Variants in SNAPC3 observed in about 807,000 individuals in gnomAD.
The protein encoded by SNAPC3 is small nuclear RNA activating complex polypeptide 3, also known as snRNA-activating protein complex subunit 3.
In SNAPC3, 56 loss-of-function variants were observed where a neutral mutation model predicts 47.7. The ratio of observed to expected loss-of-function variants is 1.18; its 90% confidence interval spans 0.95 to 1.47. SNAPC3 has a LOEUF of 1.47. SNAPC3 is among the 40% of genes most tolerant of loss of function. The pLI, the probability that SNAPC3 is intolerant of heterozygous loss-of-function variation, is 0.00. For missense variants in SNAPC3, 665 were observed against 511.3 expected (o/e 1.30, Z -2.90); for synonymous variants, 235 against 189.9 (o/e 1.24, Z -1.95).
chr9:15,423,132 G>A lies in SNAPC3; in HGVS notation c.253G>A (p.Ala85Thr). The A allele has an allele frequency of 1.3e-6, 2 of 1,558,284 alleles. No individual in the cohort carries two copies. Among genetic ancestry groups the A allele is most frequent in the Admixed American group, 2.2e-5 (1 of 45,826 alleles). ...QAADSDREDA[A>T]VARDLDCSLE... is the part of the protein sequence containing the mutation. Reference sequence around the variant, plus strand: ...AGCTGACTCCGACCGGGAGGATGCCGCGGTGGCCAGGGATCTGGACTGCAG... The same window carrying A: ...AGCTGACTCCGACCGGGAGGATGCCACGGTGGCCAGGGATCTGGACTGCAG... The change falls in exon 1 of 9, where the codon GCG becomes ACG. Residue 85 changes from alanine (A) to threonine (T), a missense_variant. By Grantham distance (58) the Ala-to-Thr change is moderately conservative. Transcript: ENST00000380821.
chr9:15,438,725 A>C (rs2033052635), intron 3 of SNAPC3, among the ~76,000 whole-genome samples: 1 of 152,136 alleles, frequency 6.6e-6, no homozygotes, highest in South Asian at 2.1e-4. Context: ...AATGATCAGA[A>C]GAGTTACGTT....
In SNAPC3 at chr9:15,423,134, G is replaced by T; in HGVS notation, c.255G>T (p.Ala85=). Residue 85 remains alanine (A), a synonymous_variant, in exon 1 of 9, where the codon GCG becomes GCT. Transcript: ENST00000380821. ...CTGACTCCGACCGGGAGGATGCCGC[G>T]GTGGCCAGGGATCTGGACTGCAGCC... ...QAADSDREDA[A]VARDLDCSLE... The T allele has an allele frequency of 2.6e-6, 4 of 1,558,680 alleles. No homozygotes were observed. In the South Asian group the frequency reaches 3.6e-5, roughly 14 times the overall value.
chr9:15,450,404 G>C (rs1381901694), intron 5 of SNAPC3, among the ~76,000 whole-genome samples: 1 of 152,160 alleles, frequency 6.6e-6, no homozygotes, highest in African/African-American at 2.4e-5. Flanking sequence ...AATTATTTTA[G>C]TACCTGAAAC....
At chr9:15,433,442 C>G in intron 2 of SNAPC3, 110 bp from the exon 3 acceptor site, 1 of 726,622 alleles carries the variant, frequency 1.4e-6, no homozygotes, top group Non-Finnish European at 2.4e-6. Flanking sequence ...CCTGCTTTTG[C>G]TACTTAAAAT....
intron 3 of SNAPC3, among the ~76,000 whole-genome samples, chr9:15,436,820 GTT>G (rs34768913): frequency 0.01 from 886 of 84,676 alleles, 6 homozygotes; most frequent in African/African-American, 0.033. Flanking sequence ...TCTTACAGCA[GTT>G]TTTTTTTTTT....
intron 2 of SNAPC3, among the ~76,000 whole-genome samples, chr9:15,429,911 G>A (rs546359985): frequency 6.6e-6 from 1 of 152,146 alleles, no homozygotes; most frequent in African/African-American, 2.4e-5. Context: ...AGTATACCAA[G>A]TAAATGGAAA....
chr9:15,446,120 A>G (rs540545155), intron 4 of SNAPC3, among the ~76,000 whole-genome samples: 3 of 152,344 alleles, frequency 2.0e-5, no homozygotes, highest in South Asian at 4.1e-4. Flanking sequence ...GTGGATCTTA[A>G]TGCTCATGTC....
In SNAPC3 at chr9:15,453,215, A is replaced by T; in HGVS notation, c.980+10A>T. On this transcript the variant is annotated intron_variant, in intron 7 of 8. Coordinates refer to ENST00000380821, the MANE Select transcript of SNAPC3 (RefSeq NM_001039697.2). ...TCATTACTGACATAAGGTAGGTGAC[A>T]GCACTTAAGACATTTTGTTACCTTT... 1 of 1,589,094 alleles carries T rather than the reference A, an allele frequency of 6.3e-7. No homozygotes were observed. The highest frequency in any genetic ancestry group is 8.6e-7 in the Non-Finnish European group (1 of 1,166,774).
intron 3 of SNAPC3, among the ~76,000 whole-genome samples, chr9:15,440,716 G>A (rs1165997131): frequency 4.6e-5 from 7 of 152,106 alleles, no homozygotes; most frequent in South Asian, 4.1e-4. Context: ...TTGGGAGGCC[G>A]AGGCGGGCGG....
At chr9:15,449,495 C>T (rs1263383459) in intron 5 of SNAPC3, among the ~76,000 whole-genome samples, 1 of 137,866 alleles carries the variant, frequency 7.3e-6, no homozygotes, top group Non-Finnish European at 1.5e-5. Flanking sequence ...AAAATGTTTA[C>T]ATATCTCCTG....
intron 2 of SNAPC3, among the ~76,000 whole-genome samples, chr9:15,428,035 C>G (rs906822539): frequency 7.0e-6 from 1 of 142,958 alleles, no homozygotes; most frequent in Non-Finnish European, 1.5e-5. Flanking sequence ...CACTTGAACC[C>G]GGGAGGTGGA....
chr9:15,441,889 G>A (rs1006278631), intron 3 of SNAPC3, among the ~76,000 whole-genome samples: 4 of 152,166 alleles, frequency 2.6e-5, no homozygotes, highest in Admixed American at 1.3e-4. Context: ...ATCATGGCCC[G>A]TTCTCAATGA....
intron 2 of SNAPC3, among the ~76,000 whole-genome samples, chr9:15,427,884 G>T (rs1033760171): frequency 2.6e-5 from 4 of 152,136 alleles, no homozygotes; most frequent in African/African-American, 9.6e-5. Context: ...CTTAAACAGG[G>T]TGGAGTGCTT....
chr9:15,438,850 G>T (rs1319350497), intron 3 of SNAPC3, among the ~76,000 whole-genome samples: 2 of 151,994 alleles, frequency 1.3e-5, no homozygotes, highest in Non-Finnish European at 2.9e-5. Flanking sequence ...TTGTATATCT[G>T]TTGGGTCTAA....
At chr9:15,435,401 T>C (rs1013011004) in intron 3 of SNAPC3, among the ~76,000 whole-genome samples, 2 of 152,178 alleles carry the variant, frequency 1.3e-5, no homozygotes, top group Admixed American at 1.3e-4. Context: ...GGCGAAACCC[T>C]GTCTCTACTA....
At chr9:15,440,838 A>C (rs2033270544) in intron 3 of SNAPC3, among the ~76,000 whole-genome samples, 1 of 151,802 alleles carries the variant, frequency 6.6e-6, no homozygotes, top group Non-Finnish European at 1.5e-5. Flanking sequence ...AGTCCCAGCT[A>C]CTTGGGAGGC....
intron 3 of SNAPC3, among the ~76,000 whole-genome samples, chr9:15,443,515 T>C (rs2033680311): frequency 6.6e-6 from 1 of 152,182 alleles, no homozygotes; most frequent in African/African-American, 2.4e-5. Context: ...TGGTCACTGA[T>C]GTTTCTGTTT....
At chr9:15,433,243 G>T (rs1216404528) in intron 2 of SNAPC3, among the ~76,000 whole-genome samples, 1 of 151,162 alleles carries the variant, frequency 6.6e-6, no homozygotes, top group Non-Finnish European at 1.5e-5. Flanking sequence ...CAGATGCCAT[G>T]TGGGATCCTG....
At position 15,461,080 on chromosome 9, in the gene SNAPC3, C is replaced by T. The variant is rs113503167; in HGVS notation, c.*1214C>T. 1 of 151,422 alleles carries T rather than the reference C, an allele frequency of 6.6e-6. No individual in the cohort carries two copies. The highest frequency in any genetic ancestry group is 2.4e-5 in the African/African-American group (1 of 41,212). 9.4% of individuals were successfully genotyped at this position (151,422 alleles called of 1,614,324 possible). A position where few individuals can be genotyped will look rare whatever the true frequency, so the allele number is the denominator to read the frequency against. On this transcript the variant is annotated 3_prime_UTR_variant, in exon 9 of 9. Coordinates refer to ENST00000380821, the MANE Select transcript of SNAPC3 (RefSeq NM_001039697.2). ...AAAAATAAGTTTTCCTGGCCCAGGT[C>T]TTCCATTCTTCTGGTCCCCTTACTA... is the stretch of plus-strand genomic sequence containing the variant.
Sources: gnomAD v4.1 joint callset for allele counts (sites outside exome capture counted in the v4.1 genomes callset) on GRCh38, gnomAD v4.1.1 for gene constraint, MANE v1.5 for transcripts, NCBI Gene and HGNC (gene_info 2026-07-23, HGNC 2026-07-21) for gene names.